The following YTHDF3 variants were observed in gnomAD, a reference collection of about 807,000 sequenced individuals.
YTHDF3 encodes the protein YTH N6-methyladenosine RNA binding protein F3.
Under a neutral mutation model 52.5 loss-of-function variants are expected in YTHDF3, and 9 were observed. That is an observed-to-expected ratio of 0.17 (90% CI 0.10 to 0.30). The LOEUF (loss-of-function observed/expected upper bound fraction) is 0.30, where lower values mean the gene tolerates loss of function less well. Ranked by LOEUF, YTHDF3 falls within the 10% of genes least tolerant of loss-of-function variation. The pLI is 1.00. For synonymous variants in YTHDF3, 274 were observed against 243.3 expected (o/e 1.13, Z -1.18); for missense variants, 534 against 715.0 (o/e 0.75, Z 2.89).
At chr8:63,192,192 A>G (rs1240559423) in intron 4 of YTHDF3, among the ~76,000 whole-genome samples, 1 of 152,124 alleles carries the variant, frequency 6.6e-6, no homozygotes, top group Non-Finnish European at 1.5e-5. Flanking sequence ...ATCTGGACTC[A>G]TAATTTTGTA....
chr8:63,191,035 C>A (rs1459211180), intron 4 of YTHDF3, among the ~76,000 whole-genome samples: 2 of 152,134 alleles, frequency 1.3e-5, no homozygotes, highest in African/African-American at 4.8e-5. Flanking sequence ...TCTTTCTAGT[C>A]AACAGCCTTT....
chr8:63,199,402 T>G (rs1419847320), intron 4 of YTHDF3, among the ~76,000 whole-genome samples: 1 of 152,190 alleles, frequency 6.6e-6, no homozygotes, highest in Admixed American at 6.5e-5. Context: ...ATACTGCATT[T>G]TTTTATCTCT....
At chr8:63,189,816 CTGTGTTGGATTGT>C (rs1808801003) in intron 4 of YTHDF3, among the ~76,000 whole-genome samples, 1 of 152,104 alleles carries the variant, frequency 6.6e-6, no homozygotes, top group African/African-American at 2.4e-5. Context: ...TTATTGATTG[CTGTGTTGGATTGT>C]TGGAAACTTT....
At chr8:63,174,435 G>C (rs932457146) in intron 2 of YTHDF3, among the ~76,000 whole-genome samples, 1 of 152,146 alleles carries the variant, frequency 6.6e-6, no homozygotes, top group Non-Finnish European at 1.5e-5. Flanking sequence ...AGATGAGGTA[G>C]GTACTATTCA....
chr8:63,186,621 G>A lies in YTHDF3; in HGVS notation c.610G>A (p.Val204Met). The A allele has an allele frequency of 6.2e-7, 1 of 1,613,998 alleles. No individual in the cohort carries two copies. The highest frequency in any genetic ancestry group is 1.1e-5 in the South Asian group (1 of 91,080). ...LKIGGDLTAA[V>M]TKTVGTALSS... ...AATTGGTGGTGACCTGACAGCTGCA[G>A]TGACAAAAACTGTAGGTACAGCTTT... Residue 204 changes from valine to methionine, a missense_variant, in exon 4 of 5, where the codon GTG (valine) becomes ATG (methionine). By Grantham distance (21) the Val-to-Met change is conservative. Around this residue, in one of 3 missense-constraint regions of YTHDF3, gnomAD observed 196 missense variants for 299.5 expected, o/e 0.65. Coordinates refer to ENST00000539294, the MANE Select transcript of YTHDF3 (RefSeq NM_152758.6).
In YTHDF3 at chr8:63,179,140, A is replaced by G. The variant is rs1442330519; in HGVS notation, c.135+3724A>G. Among the ~76,000 whole-genome samples, 3 of 152,238 alleles carry G rather than the reference A, an allele frequency of 2.0e-5. 1 individual carries two copies. The highest frequency in any genetic ancestry group is 1.3e-4 in the Admixed American group (2 of 15,300). ...TTGGCCTTTCTACTTATGTGGCAGC[A>G]TATTTCTTCTATTTTGTAGTGTTCA... On this transcript the variant is annotated intron_variant, in intron 3 of 4. Coordinates refer to ENST00000539294, the MANE Select transcript of YTHDF3 (RefSeq NM_152758.6).
At chr8:63,191,917 T>C (rs1808937720) in intron 4 of YTHDF3, among the ~76,000 whole-genome samples, 1 of 150,752 alleles carries the variant, frequency 6.6e-6, no homozygotes, top group Admixed American at 6.7e-5. Context: ...TGAAGGATAT[T>C]TGGGATGTTT....
chr8:63,169,336 TC>T (rs1179857561), intron 1 of YTHDF3, 50 bp from the exon 2 acceptor site: 6 of 1,570,352 alleles, frequency 3.8e-6, no homozygotes, highest in Non-Finnish European at 5.2e-6. Context: ...ACACACTTTT[TC>T]TTTTCTTCCT....
chr8:63,180,036 C>T (rs1427016745), intron 3 of YTHDF3, among the ~76,000 whole-genome samples: 2 of 150,710 alleles, frequency 1.3e-5, no homozygotes, highest in Non-Finnish European at 3.0e-5. Flanking sequence ...ATCCCCCCAT[C>T]TCCCTCCCGG....
intron 4 of YTHDF3, among the ~76,000 whole-genome samples, chr8:63,207,196 T>C (rs1441029623): frequency 6.6e-6 from 1 of 152,192 alleles, no homozygotes; most frequent in East Asian, 1.9e-4. Flanking sequence ...GACCATTGTG[T>C]CTCCAACAGT....
In YTHDF3 at chr8:63,175,320, CA is replaced by C. The variant is rs768677213; in HGVS notation, c.50-10del. The C allele has an allele frequency of 2.7e-5, 43 of 1,593,902 alleles. No homozygotes were observed. Among genetic ancestry groups the C allele is most frequent in the Admixed American group, 2.2e-4 (13 of 57,932 alleles). ...ATAACTACAACACTTCTAATACAAA[CA>C]TTTTTTTAGTTTCAGTACAAAACGG... On this transcript the variant is annotated splice_polypyrimidine_tract_variant and intron_variant, in intron 2 of 4. Transcript: ENST00000539294.
chr8:63,169,405 A>C lies in YTHDF3; in HGVS notation c.43A>C (p.Asn15His). Residue 15 changes from asparagine (N) to histidine (H), a missense_variant, in exon 2 of 5, where the codon AAT becomes CAT. Around this residue, in one of 3 missense-constraint regions of YTHDF3, gnomAD observed 196 missense variants for 299.5 expected, o/e 0.65. Transcript: ENST00000539294. ...SVDQRPKGQG[N>H]KVSVQNGSIH... ...AACACAGAGACCTAAAGGGCAAGGA[A>C]ATAAAGGTGAGTTTGGATTTTTTTT... 3 of 1,601,326 alleles carry C rather than the reference A, an allele frequency of 1.9e-6. No individual in the cohort carries two copies. Among genetic ancestry groups the C allele is most frequent in the Non-Finnish European group, 2.6e-6 (3 of 1,172,922 alleles).
intron 3 of YTHDF3, among the ~76,000 whole-genome samples, chr8:63,180,893 A>G (rs1474662049): frequency 6.6e-6 from 1 of 152,208 alleles, no homozygotes; most frequent in African/African-American, 2.4e-5. Context: ...AGAATCAGGC[A>G]GGGAGGTTGC....
intron 3 of YTHDF3, among the ~76,000 whole-genome samples, chr8:63,183,164 T>C (rs1357068344): frequency 6.6e-6 from 1 of 152,158 alleles, no homozygotes; most frequent in Admixed American, 6.5e-5. Flanking sequence ...TTTCACCATT[T>C]TGGCCAGGCT....
chr8:63,195,102 T>C (rs996485604), intron 4 of YTHDF3, among the ~76,000 whole-genome samples: 1 of 152,230 alleles, frequency 6.6e-6, no homozygotes, highest in Non-Finnish European at 1.5e-5. Flanking sequence ...TGTCATATCC[T>C]GTCTGCTTAT....
At chr8:63,197,129 C>T (rs1809291618) in intron 4 of YTHDF3, among the ~76,000 whole-genome samples, 1 of 152,166 alleles carries the variant, frequency 6.6e-6, no homozygotes, top group African/African-American at 2.4e-5. Flanking sequence ...AATAAAATTT[C>T]TAGATAGCCT....
At chr8:63,187,929 G>A (rs184003625) in intron 4 of YTHDF3, among the ~76,000 whole-genome samples, 184 bp downstream of exon 4, 324 of 152,172 alleles carry the variant, frequency 2.1e-3, no homozygotes, top group Non-Finnish European at 3.0e-3. Context: ...CTTTCCCAGG[G>A]TAACTCACGC....
At chr8:63,177,288 C>A (rs1807759701) in intron 3 of YTHDF3, among the ~76,000 whole-genome samples, 1 of 152,148 alleles carries the variant, frequency 6.6e-6, no homozygotes, top group African/African-American at 2.4e-5. Flanking sequence ...TGTTCAACCT[C>A]ATCTACCTCT....
intron 3 of YTHDF3, among the ~76,000 whole-genome samples, chr8:63,182,569 A>T (rs1808213184): frequency 1.3e-5 from 2 of 152,198 alleles, no homozygotes. Context: ...AAGAATATTC[A>T]ATATAAATTT....
Sources: gnomAD v4.1 joint callset for allele counts (sites outside exome capture counted in the v4.1 genomes callset) on GRCh38, gnomAD v4.1.1 for gene constraint, gnomAD v4.1.1 regional missense constraint, MANE v1.5 for transcripts, NCBI Gene and HGNC (gene_info 2026-07-23, HGNC 2026-07-21) for gene names.